Variants in LMNTD1 observed in about 807,000 individuals in gnomAD.
LMNTD1 encodes the protein lamin tail domain-containing protein 1.
LMNTD1 carries 35 observed loss-of-function variants against 50.9 expected under a neutral mutation model. That is an observed-to-expected ratio of 0.69 (90% CI 0.53 to 0.91). LMNTD1 has a LOEUF of 0.91. Among genes scored for constraint, LMNTD1 ranks in the 40% least tolerant of loss-of-function variants. LMNTD1 has a pLI of 0.00. For synonymous variants in LMNTD1, 153 were observed against 161.9 expected, an observed-to-expected ratio of 0.94 and a Z score of 0.42; for missense variants, 470 against 475.5, an observed-to-expected ratio of 0.99 and a Z score of 0.11.
chr12:25,513,595 T>C (rs1940490672), intron 8 of LMNTD1, among the ~76,000 whole-genome samples: 1 of 152,206 alleles, frequency 6.6e-6, no homozygotes, highest in Non-Finnish European at 1.5e-5. Context: ...GATACCGTGC[T>C]ACTGCACTCC....
intron 8 of LMNTD1, among the ~76,000 whole-genome samples, chr12:25,517,295 T>C (rs1419660069): frequency 1.7e-5 from 1 of 59,622 alleles, no homozygotes; most frequent in Non-Finnish European, 4.9e-5. Context: ...TAGCAAAGAC[T>C]TGGAATCAAC....
chr12:25,478,471 G>A (rs1938342498), intron 9 of LMNTD1, among the ~76,000 whole-genome samples: 2 of 152,140 alleles, frequency 1.3e-5, no homozygotes, highest in Non-Finnish European at 2.9e-5. Context: ...TATTTTCTTA[G>A]TACAAGTGTA....
upstream of LMNTD1, among the ~76,000 whole-genome samples, chr12:25,556,170 G>A (rs748315928): frequency 6.6e-6 from 1 of 151,844 alleles, no homozygotes; most frequent in Non-Finnish European, 1.5e-5. Flanking sequence ...ACGAGGTTTC[G>A]CCATGTTGGC....
chr12:25,558,805 G>A (rs1012898092), intron 1 of LMNTD1, among the ~76,000 whole-genome samples: 1 of 152,062 alleles, frequency 6.6e-6, no homozygotes, highest in African/African-American at 2.4e-5. Flanking sequence ...AGAACAGCAT[G>A]GGAAAAACCC....
At chr12:25,502,043 T>C (rs7314604) in intron 9 of LMNTD1, among the ~76,000 whole-genome samples, 202 of 151,944 alleles carry the variant, frequency 1.3e-3, no homozygotes, top group African/African-American at 4.7e-3. Context: ...CAGATTTTTT[T>C]AAAAAATCAA....
intron 1 of LMNTD1, among the ~76,000 whole-genome samples, chr12:25,629,152 T>G (rs547519053): frequency 6.6e-6 from 1 of 152,346 alleles, no homozygotes; most frequent in East Asian, 1.9e-4. Context: ...ATTCGAGCCA[T>G]AACTTGCTCT....
Position 25,503,733 on chromosome 12 carries a change from C to T in LMNTD1, c.*22+5G>A. ...AGAAAGCAAATTTGCAATACAGTTA[C>T]TTACCTTTAAAGGTTGAGTTGACTG... On this transcript the variant is annotated splice_donor_5th_base_variant and intron_variant, in intron 9 of 9. Coordinates refer to ENST00000458174, the MANE Select transcript of LMNTD1 (RefSeq NM_001145728.2). The T allele has an allele frequency of 1.3e-6, 2 of 1,518,244 alleles. No individual in the cohort carries two copies. Among genetic ancestry groups the T allele is most frequent in the Non-Finnish European group, 1.8e-6 (2 of 1,101,886 alleles). The allele number at this position is 1,518,244 out of a possible 1,614,324, so 94.0% of individuals were successfully genotyped here.
intron 1 of LMNTD1, among the ~76,000 whole-genome samples, chr12:25,647,293 G>A (rs1947093709): frequency 6.6e-6 from 1 of 152,126 alleles, no homozygotes; most frequent in Non-Finnish European, 1.5e-5. Context: ...AGATCAGCCT[G>A]GTCAACATGG....
chr12:25,629,031 A>G (rs1205370528), intron 1 of LMNTD1, among the ~76,000 whole-genome samples: 1 of 152,248 alleles, frequency 6.6e-6, no homozygotes, highest in South Asian at 2.1e-4. Flanking sequence ...AAATTGTAAA[A>G]ACAACAACCA....
intron 2 of LMNTD1, 135 bp from the exon 3 acceptor site, chr12:25,549,681 A>G: frequency 2.3e-6 from 1 of 441,130 alleles, no homozygotes; most frequent in Non-Finnish European, 4.0e-6. Flanking sequence ...AAGCACAATA[A>G]CATCTTGTAT....
chr12:25,620,372 T>C (rs905783597), intron 1 of LMNTD1, among the ~76,000 whole-genome samples: 1 of 152,100 alleles, frequency 6.6e-6, no homozygotes, highest in African/African-American at 2.4e-5. Context: ...TACAAAATTA[T>C]AAAATATACT....
intron 9 of LMNTD1, among the ~76,000 whole-genome samples, chr12:25,484,773 C>T (rs1028241316): frequency 8.2e-5 from 12 of 145,494 alleles, no homozygotes; most frequent in Admixed American, 2.1e-4. Flanking sequence ...TTTCTTCTTG[C>T]GATAGTTTAC....
intron 1 of LMNTD1, among the ~76,000 whole-genome samples, chr12:25,607,606 A>G (rs1415588258): frequency 6.6e-6 from 1 of 152,186 alleles, no homozygotes; most frequent in African/African-American, 2.4e-5. Flanking sequence ...GTAGTCATTC[A>G]GGAGCAGATT....
At chr12:25,526,994 A>T in intron 4 of LMNTD1, 39 bp from the exon 5 acceptor site, 1 of 1,460,362 alleles carries the variant, frequency 6.8e-7, no homozygotes, top group South Asian at 1.3e-5. Flanking sequence ...CTGCCTTCAG[A>T]TAGGAGTGTC....
Position 25,547,235 on chromosome 12 carries a change from C to T in LMNTD1, c.311-681G>A, listed in dbSNP as rs1028086696. 6.3e-6 allele frequency: 6 copies of T among 946,176 alleles called. No homozygotes were observed. In the African/African-American group the frequency reaches 8.9e-5, roughly 14 times the overall value. The allele number at this position is 946,176 out of a possible 1,614,324, so 58.6% of individuals were successfully genotyped here. The stretch of plus-strand genomic sequence containing the variant: ...CAAAGGGGGAGTTACATTACAAAGA[C>T]GCGTCGTGATGAAGTGGAAAGAACA... On this transcript the variant is annotated intron_variant, in intron 3 of 9. Transcript: ENST00000458174.
chr12:25,516,531 G>A (rs931505858), intron 8 of LMNTD1, among the ~76,000 whole-genome samples: 2 of 152,096 alleles, frequency 1.3e-5, no homozygotes, highest in Non-Finnish European at 2.9e-5. Context: ...AAGTCATAAA[G>A]TACTAAAGAT....
At chr12:25,637,684 TAAAG>T (rs1946864518) in intron 1 of LMNTD1, among the ~76,000 whole-genome samples, 1 of 152,108 alleles carries the variant, frequency 6.6e-6, no homozygotes, top group African/African-American at 2.4e-5. Context: ...ATTCAATATA[TAAAG>T]AACTCTTTAC....
chr12:25,635,022 C>T (rs974650973), intron 1 of LMNTD1, among the ~76,000 whole-genome samples: 2 of 152,032 alleles, frequency 1.3e-5, no homozygotes, highest in Admixed American at 6.6e-5. Context: ...CGTGGCTCAC[C>T]TCAGGTCAGG....
chr12:25,619,656 T>G (rs1283529005), intron 1 of LMNTD1, among the ~76,000 whole-genome samples: 1 of 152,138 alleles, frequency 6.6e-6, no homozygotes, highest in African/African-American at 2.4e-5. Context: ...TGCAGGTGCT[T>G]GTTCTGCCAT....
Sources: allele counts gnomAD v4.1 joint callset (sites outside exome capture counted in the v4.1 genomes callset), GRCh38; gene constraint gnomAD v4.1.1; transcripts MANE v1.5; gene names NCBI Gene and HGNC (gene_info 2026-07-23, HGNC 2026-07-21).